Variants in NDUFAF5 observed in about 807,000 individuals in gnomAD.
The protein encoded by NDUFAF5 is arginine-hydroxylase NDUFAF5, mitochondrial.
NDUFAF5 carries 34 observed loss-of-function variants against 48.9 expected under a neutral mutation model. The ratio of observed to expected loss-of-function variants is 0.70; its 90% CI spans 0.53 to 0.93. The LOEUF (loss-of-function observed/expected upper bound fraction) is 0.93. Ranked by LOEUF, NDUFAF5 falls within the 40% of genes least tolerant of loss-of-function variation. NDUFAF5 has a pLI of 0.00. For missense variants in NDUFAF5, 428 were observed against 427.5 expected, an observed-to-expected ratio of 1.00 and a Z score of -0.01; for synonymous variants, 153 against 150.6, an observed-to-expected ratio of 1.02 and a Z score of -0.12.
chr20:13,787,282 C>G (rs777718561), intron 1 of NDUFAF5, 30 bp from the exon 2 acceptor site: 1 of 1,612,788 alleles, frequency 6.2e-7, no homozygotes, highest in African/African-American at 1.3e-5. Context: ...GTTACTTCCC[C>G]GTTAACCTAC....
intron 6 of NDUFAF5, among the ~76,000 whole-genome samples, chr20:13,798,838 T>C (rs1466094574): frequency 1.3e-5 from 2 of 152,348 alleles, no homozygotes; most frequent in Middle Eastern, 3.4e-3. Context: ...AACCTACTTA[T>C]TTATATTTGT....
intron 4 of NDUFAF5, among the ~76,000 whole-genome samples, chr20:13,793,817 T>A (rs1222936001): frequency 6.6e-6 from 1 of 152,254 alleles, no homozygotes; most frequent in East Asian, 1.9e-4. Context: ...ATCTTCAGAC[T>A]GCCCTTAGAA....
chr20:13,815,244 A>G (rs1986327957), intron 8 of NDUFAF5, among the ~76,000 whole-genome samples: 1 of 152,164 alleles, frequency 6.6e-6, no homozygotes, highest in Non-Finnish European at 1.5e-5. Flanking sequence ...GACCCAGTTT[A>G]CCTCTGGTCA....
rs974115088 is a variant in NDUFAF5, at chr20:13,785,188, G to T, written c.120G>T (p.Ser40=). Residue 40 remains serine, a synonymous_variant, in exon 1 of 11, where the codon TCG becomes TCT. Coordinates refer to ENST00000378106, the MANE Select transcript of NDUFAF5 (RefSeq NM_024120.5). The part of the protein sequence containing the change: ...TSGVSPRGST[S]PRTLNIFDRD... ...GTGTCTCTCCCCGCGGTAGCACCTCGCCCAGAACCCTGAATATTTTCGACC... is the reference window on the plus strand; with the variant it reads ...GTGTCTCTCCCCGCGGTAGCACCTCTCCCAGAACCCTGAATATTTTCGACC... 10 of 1,613,788 alleles carry T rather than the reference G, an allele frequency of 6.2e-6. No homozygotes were observed. Among genetic ancestry groups the T allele is most frequent in the African/African-American group, 1.3e-5 (1 of 75,050 alleles).
At chr20:13,793,415 CA>C (rs1982653741) in intron 4 of NDUFAF5, among the ~76,000 whole-genome samples, 188 bp downstream of exon 4, 1 of 152,116 alleles carries the variant, frequency 6.6e-6, no homozygotes, top group Non-Finnish European at 1.5e-5. Context: ...CAGAGGCAAC[CA>C]TTGGTGGCAC....
In NDUFAF5 at chr20:13,817,224, G is replaced by A; in HGVS notation, c.*14G>A. ...AAATCACAATAAATATTTATTCAGT[G>A]TTAATGTCGTCCAGAATTTTCATCA... On this transcript the variant is annotated 3_prime_UTR_variant, in exon 11 of 11. Coordinates refer to ENST00000378106, the MANE Select transcript of NDUFAF5 (RefSeq NM_024120.5). 4 of 1,581,886 alleles carry A rather than the reference G, an allele frequency of 2.5e-6. No individual in the cohort carries two copies. Among genetic ancestry groups the A allele is most frequent in the Non-Finnish European group, 2.6e-6 (3 of 1,150,652 alleles).
At chr20:13,805,032 A>G (rs2147574450) in intron 7 of NDUFAF5, among the ~76,000 whole-genome samples, 1 of 152,250 alleles carries the variant, frequency 6.6e-6, no homozygotes, top group Non-Finnish European at 1.5e-5. Context: ...TATGGAAAAA[A>G]TTTCCTTTAC....
intron 8 of NDUFAF5, among the ~76,000 whole-genome samples, chr20:13,815,030 C>T (rs751935598): frequency 2.0e-5 from 3 of 152,228 alleles, no homozygotes; most frequent in Middle Eastern, 6.8e-3. Context: ...GAGTGTTATG[C>T]CTACTAATCT....
intron 1 of NDUFAF5, chr20:13,787,029 C>G (rs1644497342): frequency 2.1e-6 from 1 of 473,448 alleles, no homozygotes; most frequent in Admixed American, 3.3e-5. Context: ...TCCTTGTGAT[C>G]TTATGTCACA....
At chr20:13,787,165 G>A (rs1981319374) in intron 1 of NDUFAF5, 147 bp from the exon 2 acceptor site, 5 of 865,736 alleles carry the variant, frequency 5.8e-6, no homozygotes, top group Non-Finnish European at 9.7e-6. Context: ...TTGTTTCCTG[G>A]TGGTTTGAGA....
In NDUFAF5 at chr20:13,785,117, G is replaced by A; in HGVS notation, c.49G>A (p.Ala17Thr). 6.2e-7 allele frequency: 1 copy of A among 1,613,736 alleles called. No homozygotes were observed. The highest frequency in any genetic ancestry group is 8.5e-7 in the Non-Finnish European group (1 of 1,179,960). Residue 17 changes from alanine (A) to threonine (T), a missense_variant, in exon 1 of 11, where the codon GCG (alanine) becomes ACG (threonine). By Grantham distance (58) the Ala-to-Thr change is moderately conservative. Coordinates refer to ENST00000378106, the MANE Select transcript of NDUFAF5 (RefSeq NM_024120.5). ...LWRLCRRPWA[A>T]RVPAENLGRR... ...GCGCTTATGTCGGCGACCTTGGGCG[G>A]CGAGGGTCCCAGCGGAGAATCTTGG...
chr20:13,785,395 A>C, intron 1 of NDUFAF5, 105 bp downstream of exon 1: 5 of 961,630 alleles, frequency 5.2e-6, no homozygotes, highest in Non-Finnish European at 7.8e-6. Flanking sequence ...TAGCCGTCTG[A>C]CCTTGACCAG....
intron 7 of NDUFAF5, among the ~76,000 whole-genome samples, chr20:13,806,687 A>G (rs1263250191): frequency 6.6e-6 from 1 of 152,194 alleles, no homozygotes; most frequent in African/African-American, 2.4e-5. Context: ...AACAGCCTGG[A>G]AAGAATTTTG....
chr20:13,785,685 A>G (rs1271229317), intron 1 of NDUFAF5, among the ~76,000 whole-genome samples: 1 of 152,160 alleles, frequency 6.6e-6, no homozygotes, highest in Non-Finnish European at 1.5e-5. Context: ...GTGGCTGTTG[A>G]ACACTTGAAA....
chr20:13,814,717 T>C (rs1986263361), intron 8 of NDUFAF5, among the ~76,000 whole-genome samples: 1 of 152,156 alleles, frequency 6.6e-6, no homozygotes, highest in African/African-American at 2.4e-5. Flanking sequence ...TTTTCCCAGG[T>C]GGTCTTCAGT....
At position 13,819,754 on chromosome 20, in the gene NDUFAF5, G is replaced by A. The variant is rs1326835889; in HGVS notation, c.*2544G>A. The A allele has an allele frequency of 6.6e-6, 1 of 152,256 alleles. No individual in the cohort carries two copies. The highest frequency in any genetic ancestry group is 1.5e-5 in the Non-Finnish European group (1 of 68,054). 9.4% of individuals were successfully genotyped at this position (152,256 alleles called of 1,614,324 possible). On this transcript the variant is annotated 3_prime_UTR_variant, in exon 11 of 11. Transcript: ENST00000378106. ...TTCCCAGACTGGTCCCAAGAATGCT[G>A]TGGTTGGTTTTGTGTCTTTTCCAGC...
intron 7 of NDUFAF5, among the ~76,000 whole-genome samples, chr20:13,808,575 A>G (rs184633386): frequency 1.4e-4 from 21 of 152,262 alleles, no homozygotes; most frequent in African/African-American, 4.8e-4. Flanking sequence ...AGGGTACAGA[A>G]TACTCTTATT....
intron 1 of NDUFAF5, 112 bp downstream of exon 1, chr20:13,785,402 C>G: frequency 1.1e-6 from 1 of 870,344 alleles, no homozygotes; most frequent in Non-Finnish European, 1.8e-6. Flanking sequence ...CTGACCTTGA[C>G]CAGCAGCCCT....
At chr20:13,785,633 A>G (rs576142319) in intron 1 of NDUFAF5, among the ~76,000 whole-genome samples, 78 of 152,286 alleles carry the variant, frequency 5.1e-4, no homozygotes, top group African/African-American at 1.8e-3. Context: ...TTTCTTCTGT[A>G]TCTGCACTGT....
Sources: gnomAD v4.1 joint callset for allele counts (sites outside exome capture counted in the v4.1 genomes callset) on GRCh38, gnomAD v4.1.1 for gene constraint, MANE v1.5 for transcripts, NCBI Gene and HGNC (gene_info 2026-07-23, HGNC 2026-07-21) for gene names.